Variants in LRRC49 observed in about 807,000 individuals in gnomAD.
The protein encoded by LRRC49 is leucine rich repeat containing 49.
A neutral mutation model predicts 83.3 loss-of-function variants in LRRC49; 50 were observed. The observed-to-expected ratio is 0.60, with a 90% confidence interval of 0.48 to 0.76. LRRC49 has a LOEUF of 0.76. Ranked by LOEUF, LRRC49 falls within the 30% of genes least tolerant of loss-of-function variation. The pLI, the probability that LRRC49 is intolerant of heterozygous loss-of-function variation, is 0.00. For synonymous variants in LRRC49, 286 were observed against 283.3 expected (o/e 1.01, Z -0.10); for missense variants, 704 against 809.1 (o/e 0.87, Z 1.58).
intron 1 of LRRC49, among the ~76,000 whole-genome samples, chr15:70,855,015 A>G (rs1485978957): frequency 6.6e-6 from 1 of 152,196 alleles, no homozygotes; most frequent in African/African-American, 2.4e-5. Flanking sequence ...AATGTGACCC[A>G]GAAACTAGGG....
chr15:71,022,252 A>T (rs1475368454), intron 14 of LRRC49, among the ~76,000 whole-genome samples: 1 of 152,138 alleles, frequency 6.6e-6, no homozygotes, highest in Middle Eastern at 3.2e-3. Flanking sequence ...ACGTGCCTGT[A>T]ATCCCAGCTA....
At chr15:70,861,708 A>G (rs2032794182) in intron 1 of LRRC49, among the ~76,000 whole-genome samples, 2 of 152,192 alleles carry the variant, frequency 1.3e-5, no homozygotes, top group East Asian at 1.9e-4. Context: ...CCTGCCATTT[A>G]TGTCTTGTGG....
chr15:71,045,026 G>T (rs1319137549), intron 15 of LRRC49, among the ~76,000 whole-genome samples: 2 of 150,824 alleles, frequency 1.3e-5, no homozygotes, highest in Non-Finnish European at 3.0e-5. Flanking sequence ...GAGTAGCTGG[G>T]ACTACAGGCG....
At chr15:70,893,093 A>G in intron 1 of LRRC49, 151 bp downstream of exon 1, 1 of 815,590 alleles carries the variant, frequency 1.2e-6, no homozygotes, top group Non-Finnish European at 2.1e-6. Flanking sequence ...CGTGGGCTGG[A>G]CCAAGGCACA....
chr15:70,940,675 T>C (rs1039082612), intron 8 of LRRC49, among the ~76,000 whole-genome samples: 1 of 152,238 alleles, frequency 6.6e-6, no homozygotes. Context: ...ATCATTTCCC[T>C]TAGTTCTAGT....
At chr15:70,940,648 T>G (rs1380327271) in intron 8 of LRRC49, among the ~76,000 whole-genome samples, 1 of 152,220 alleles carries the variant, frequency 6.6e-6, no homozygotes, top group African/African-American at 2.4e-5. Context: ...ACTTACATTA[T>G]TTTGGCTTGA....
chr15:70,877,722 T>C (rs1402539833), intron 2 of LRRC49, among the ~76,000 whole-genome samples: 1 of 152,240 alleles, frequency 6.6e-6, no homozygotes, highest in East Asian at 1.9e-4. Flanking sequence ...TATGGGTATG[T>C]TACCTTCATG....
Position 70,963,791 on chromosome 15 carries a change from CA to C in LRRC49, c.781del (p.Ser261ValfsTer21). 1.9e-6 allele frequency: 3 copies of C among 1,612,990 alleles called. No individual in the cohort carries two copies. Among genetic ancestry groups the C allele is most frequent in the Non-Finnish European group, 2.5e-6 (3 of 1,179,354 alleles). ...GTTTCTGTCTCTCCTGCAGTTTTGA[CA>C]GTGTTTCCTGCCTTGCTGACTCTTC... ...LSFNNISSFD[S>X]VSCLADSSSL... On this transcript the variant is annotated frameshift_variant, in exon 9 of 16. Coordinates refer to ENST00000260382, the MANE Select transcript of LRRC49 (RefSeq NM_017691.5). LOFTEE classifies it high-confidence loss of function.
chr15:70,897,066 A>G (rs973585045), intron 3 of LRRC49, among the ~76,000 whole-genome samples: 4 of 152,210 alleles, frequency 2.6e-5, no homozygotes, highest in Non-Finnish European at 5.9e-5. Context: ...TTATGCTTGC[A>G]TTGTCAATTT....
upstream of LRRC49, among the ~76,000 whole-genome samples, chr15:70,891,198 C>T (rs530807242): frequency 5.9e-5 from 9 of 152,174 alleles, no homozygotes; most frequent in South Asian, 1.2e-3. Context: ...GTAGTAGTAA[C>T]CAGATGCAAA....
At chr15:70,935,739 A>G (rs542277596) in intron 7 of LRRC49, among the ~76,000 whole-genome samples, 1 of 152,348 alleles carries the variant, frequency 6.6e-6, no homozygotes, top group Admixed American at 6.5e-5. Context: ...AACATTTTAT[A>G]TGAGACATGG....
intron 8 of LRRC49, among the ~76,000 whole-genome samples, chr15:70,940,696 C>T (rs1453775791): frequency 6.6e-6 from 1 of 152,170 alleles, no homozygotes; most frequent in Admixed American, 6.5e-5. Flanking sequence ...ATGCAGCATA[C>T]TGTTAGAATG....
At position 70,963,917 on chromosome 15, in the gene LRRC49, T is replaced by C. The variant is rs760114981; in HGVS notation, c.906T>C (p.Asp302=). ...ATATGATGCAGCTGCGCCAGCTAGA[T>C]ATGAAGAGAATCACGGTGAGAACCC... ...LQNMMQLRQL[D]MKRITEEERR... The change falls in exon 9 of 16, where the codon GAT becomes GAC. Residue 302 remains aspartate (D), a synonymous_variant. Coordinates refer to ENST00000260382, the MANE Select transcript of LRRC49 (RefSeq NM_017691.5). 1.2e-6 allele frequency: 2 copies of C among 1,613,264 alleles called. No homozygotes were observed. Among genetic ancestry groups the C allele is most frequent in the African/African-American group, 2.7e-5 (2 of 74,990 alleles).
chr15:71,033,527 G>GA (rs1238690047), intron 14 of LRRC49, among the ~76,000 whole-genome samples: 4 of 151,922 alleles, frequency 2.6e-5, no homozygotes, highest in Non-Finnish European at 4.4e-5. Flanking sequence ...CACAGAATTA[G>GA]AAAAAAACTA....
chr15:70,919,027 C>T (rs981510903), intron 6 of LRRC49, 23 bp from the exon 7 acceptor site: 3 of 1,593,098 alleles, frequency 1.9e-6, no homozygotes, highest in Non-Finnish European at 1.7e-6. Context: ...TGCTAATCAC[C>T]CTTCTCCTAT....
chr15:71,038,947 T>C (rs1025217630), intron 15 of LRRC49, among the ~76,000 whole-genome samples: 3 of 152,172 alleles, frequency 2.0e-5, no homozygotes, highest in African/African-American at 7.2e-5. Context: ...CTTGCCCTCA[T>C]GGATCTCACA....
chr15:70,863,731 C>T (rs1018057391), intron 1 of LRRC49, among the ~76,000 whole-genome samples: 6 of 152,220 alleles, frequency 3.9e-5, no homozygotes, highest in African/African-American at 1.2e-4. Context: ...TGGGCCAAGG[C>T]CCTGCTACCC....
chr15:71,010,631 C>G (rs943485798), intron 13 of LRRC49, among the ~76,000 whole-genome samples: 4 of 151,972 alleles, frequency 2.6e-5, no homozygotes, highest in Non-Finnish European at 5.9e-5. Flanking sequence ...TAACTCAGGT[C>G]TGGAGCTGAA....
chr15:71,012,956 A>G (rs761918867), intron 14 of LRRC49, 43 bp downstream of exon 14: 2 of 1,252,220 alleles, frequency 1.6e-6, no homozygotes, highest in Non-Finnish European at 2.3e-6. Context: ...TTACTGTTAC[A>G]CTAGAAAAAG....
Sources: gnomAD v4.1 joint callset for allele counts (sites outside exome capture counted in the v4.1 genomes callset) on GRCh38, gnomAD v4.1.1 for gene constraint, MANE v1.5 for transcripts, NCBI Gene and HGNC (gene_info 2026-07-23, HGNC 2026-07-21) for gene names.